ATP6V1A: variants seen among roughly 807,000 people sequenced by gnomAD.
ATP6V1A encodes V-type proton ATPase catalytic subunit A.
Under a neutral mutation model 70.1 loss-of-function variants are expected in ATP6V1A, and 18 were observed. The ratio of observed to expected loss-of-function variants is 0.26; its 90% CI spans 0.18 to 0.38. The LOEUF (loss-of-function observed/expected upper bound fraction) is 0.38. Ranked by LOEUF, ATP6V1A falls within the 10% of genes least tolerant of loss-of-function variation. ATP6V1A has a pLI of 1.00. For synonymous variants in ATP6V1A, 232 were observed against 253.8 expected, an observed-to-expected ratio of 0.91 and a Z score of 0.82; for missense variants, 424 against 772.4, an observed-to-expected ratio of 0.55 and a Z score of 5.35.
chr3:113,752,119 A>G (rs1265602520), intron 1 of ATP6V1A, among the ~76,000 whole-genome samples: 2 of 151,924 alleles, frequency 1.3e-5, no homozygotes, highest in African/African-American at 2.4e-5. Context: ...TTTATCTGCA[A>G]CATGCCACAT....
rs555923621 is a variant in ATP6V1A, at chr3:113,811,968, C to T, written c.*2541C>T. The T allele has an allele frequency of 2.6e-5, 4 of 152,636 alleles. No individual in the cohort carries two copies. The highest frequency in any genetic ancestry group is 7.2e-5 in the African/African-American group (3 of 41,534). 9.5% of individuals were successfully genotyped at this position (152,636 alleles called of 1,614,324 possible). A position where few individuals can be genotyped will look rare whatever the true frequency, so the allele number is the denominator to read the frequency against. The stretch of plus-strand genomic sequence containing the variant: ...ATAGAAGAGGCCATATATATTGCCT[C>T]CTTATCCTTGAGATTTCACTACCTT... On this transcript the variant is annotated 3_prime_UTR_variant, in exon 15 of 15. Transcript: ENST00000273398.
At chr3:113,809,111 T>G (rs1243231497) in intron 14 of ATP6V1A, among the ~76,000 whole-genome samples, 1 of 151,284 alleles carries the variant, frequency 6.6e-6, no homozygotes, top group African/African-American at 2.4e-5. Flanking sequence ...AAAAATTAGC[T>G]GGGCGTGATG....
intron 1 of ATP6V1A, among the ~76,000 whole-genome samples, chr3:113,752,064 A>C (rs1708593258): frequency 6.6e-6 from 1 of 151,932 alleles, no homozygotes; most frequent in African/African-American, 2.4e-5. Context: ...TTGGATCTTA[A>C]TGCTATCTGT....
At chr3:113,762,339 C>T (rs1028142685) in intron 1 of ATP6V1A, among the ~76,000 whole-genome samples, 1 of 151,782 alleles carries the variant, frequency 6.6e-6, no homozygotes, top group Non-Finnish European at 1.5e-5. Flanking sequence ...GAGGCCAAAG[C>T]GGGCGGATCA....
At chr3:113,792,597 AAGTCCT>A (rs1220189951) in intron 8 of ATP6V1A, among the ~76,000 whole-genome samples, 1 of 152,128 alleles carries the variant, frequency 6.6e-6, no homozygotes, top group Non-Finnish European at 1.5e-5. Context: ...TGGCCTCCCA[AAGTCCT>A]GGGATTATAG....
In ATP6V1A at chr3:113,778,936, A is replaced by G. The variant is rs1708948739; in HGVS notation, c.82+101A>G. ...AATATACAACTTTCTGTTTACCTGC[A>G]TAAATTCTGTTTGTCCTTAGGCGAT... On this transcript the variant is annotated intron_variant, in intron 2 of 14. Transcript: ENST00000273398. 4.9e-6 allele frequency: 4 copies of G among 815,362 alleles called. No homozygotes were observed. The East Asian group carries it at 1.2e-4, about 25-fold the overall frequency. The allele number at this position is 815,362 out of a possible 1,614,324, so 50.5% of individuals were successfully genotyped here.
At chr3:113,780,717 T>C in intron 2 of ATP6V1A, 1 of 1,283,102 alleles carries the variant, frequency 7.8e-7, no homozygotes, top group Non-Finnish European at 1.0e-6. Flanking sequence ...AAAAGTTTTT[T>C]TTATTGTTCC....
Position 113,803,584 on chromosome 3 carries a change from C to T in ATP6V1A, c.1496C>T (p.Ala499Val), listed in dbSNP as rs1387185185. 1 of 1,599,046 alleles carries T rather than the reference C, an allele frequency of 6.3e-7. No homozygotes were observed. The highest frequency in any genetic ancestry group is 8.5e-7 in the Non-Finnish European group (1 of 1,171,654). The change falls in exon 13 of 15, where the codon GCT (alanine) becomes GTT (valine). Residue 499 changes from alanine (A) to valine (V), a missense_variant and splice_region_variant. Ala to Val is a moderately conservative substitution (Grantham distance 64). Transcript: ENST00000273398. ...TAAAAATATCTTTTTCTCTTCTAGG[C>T]TTCTTTGGCAGAAACAGATAAAATC... ...LAEIVQLVGK[A>V]SLAETDKITL... is the part of the protein sequence containing the mutation.
chr3:113,769,525 A>T (rs947405778), intron 1 of ATP6V1A, among the ~76,000 whole-genome samples: 9 of 152,182 alleles, frequency 5.9e-5, no homozygotes, highest in African/African-American at 2.2e-4. Flanking sequence ...TTGGAATCTT[A>T]GTGTTTAACT....
chr3:113,793,966 C>G (rs1054408199), intron 8 of ATP6V1A, among the ~76,000 whole-genome samples: 1 of 151,994 alleles, frequency 6.6e-6, no homozygotes, highest in African/African-American at 2.4e-5. Context: ...ATTTAATTCA[C>G]TTCATCTGCC....
At chr3:113,765,822 G>A (rs1417517668) in intron 1 of ATP6V1A, among the ~76,000 whole-genome samples, 2 of 151,556 alleles carry the variant, frequency 1.3e-5, no homozygotes, top group Non-Finnish European at 2.9e-5. Flanking sequence ...AGCTACTCGG[G>A]AGGCTGAGAC....
At chr3:113,806,543 C>T (rs1709277861) in intron 14 of ATP6V1A, among the ~76,000 whole-genome samples, 1 of 152,020 alleles carries the variant, frequency 6.6e-6, no homozygotes, top group African/African-American at 2.4e-5. Flanking sequence ...ACTGCAACCT[C>T]CACCTCCTGG....
chr3:113,800,401 A>C (rs2566964), intron 12 of ATP6V1A, among the ~76,000 whole-genome samples: 1 of 152,178 alleles, frequency 6.6e-6, no homozygotes, highest in South Asian at 2.1e-4. Context: ...AATAAAAACA[A>C]TGTGGTATTG....
At chr3:113,782,989 T>A (rs1708996625) in intron 3 of ATP6V1A, among the ~76,000 whole-genome samples, 1 of 152,192 alleles carries the variant, frequency 6.6e-6, no homozygotes, top group Non-Finnish European at 1.5e-5. Context: ...AAATGTTAAA[T>A]ATAGAACCTA....
At chr3:113,796,646 T>TA (rs34033124) in intron 11 of ATP6V1A, among the ~76,000 whole-genome samples, 2,068 of 146,268 alleles carry the variant, frequency 0.014, 37 homozygotes, top group East Asian at 0.1. Flanking sequence ...GAGCTATAGT[T>TA]AAAAAAAAAA....
chr3:113,755,321 C>A (rs1278181451), intron 1 of ATP6V1A, among the ~76,000 whole-genome samples: 1 of 151,166 alleles, frequency 6.6e-6, no homozygotes, highest in African/African-American at 2.4e-5. Context: ...ATATATTTGC[C>A]AGCTGGGTGC....
chr3:113,784,063 T>C (rs529988615), intron 3 of ATP6V1A, among the ~76,000 whole-genome samples, 161 bp from the exon 4 acceptor site: 2 of 152,368 alleles, frequency 1.3e-5, no homozygotes, highest in Non-Finnish European at 1.5e-5. Context: ...CCTGGGACAC[T>C]GAAAGAAGTT....
intron 1 of ATP6V1A, among the ~76,000 whole-genome samples, chr3:113,749,185 G>A (rs1708557161): frequency 6.6e-6 from 1 of 151,548 alleles, no homozygotes; most frequent in Admixed American, 6.6e-5. Context: ...CTGATGAAAT[G>A]TAGATTAGTA....
chr3:113,779,232 A>T (rs555840605), intron 2 of ATP6V1A: 1 of 153,416 alleles, frequency 6.5e-6, no homozygotes, highest in Non-Finnish European at 1.5e-5. Flanking sequence ...AATAATTCAA[A>T]CGCTCAGAGC....
Sources: gnomAD v4.1 joint callset for allele counts (sites outside exome capture counted in the v4.1 genomes callset) on GRCh38, gnomAD v4.1.1 for gene constraint, MANE v1.5 for transcripts, NCBI Gene and HGNC (gene_info 2026-07-23, HGNC 2026-07-21) for gene names.